Variants in TUB observed in about 807,000 individuals in gnomAD.
TUB encodes the protein TUB bipartite transcription factor.
Under a neutral mutation model 59.7 loss-of-function variants are expected in TUB, and 33 were observed. That is an observed-to-expected ratio of 0.55 (90% CI 0.42 to 0.74). The LOEUF is 0.74. TUB is among the 30% of genes least tolerant of loss of function. The pLI, the probability that TUB is intolerant of heterozygous loss-of-function variation, is 0.00. For missense variants in TUB, 659 were observed against 672.0 expected, an observed-to-expected ratio of 0.98 and a Z score of 0.21; for synonymous variants, 293 against 256.4, an observed-to-expected ratio of 1.14 and a Z score of -1.36.
chr11:8,090,596 C>T (rs1016547959), intron 3 of TUB, among the ~76,000 whole-genome samples: 1 of 152,222 alleles, frequency 6.6e-6, no homozygotes, highest in Non-Finnish European at 1.5e-5. Context: ...AGGAATCCGT[C>T]TCACTGTCCT....
rs758796067 is a variant in TUB at position 8,100,610 on chromosome 11, C to T, written c.1215+9C>T. 4 of 1,611,258 alleles carry T rather than the reference C, an allele frequency of 2.5e-6. No homozygotes were observed. Among genetic ancestry groups the T allele is most frequent in the African/African-American group, 1.3e-5 (1 of 74,952 alleles). ...CTATCCGCCCCCGCAACGTGAGTGT[C>T]TACCCCTTCCTCCCCTCTTTCCCCA... On this transcript the variant is annotated intron_variant, in intron 10 of 11. Coordinates refer to ENST00000299506, the MANE Select transcript of TUB (RefSeq NM_177972.3).
In TUB at chr11:8,073,297, G is replaced by A. The variant is rs537233251; in HGVS notation, c.204-16313G>A. Reference sequence around the variant, plus strand: ...GGGCCATGGAGCAAAAAGGTGGTGTGTTGGGAGTAATAAATTTTCAAAGAG... The same window carrying A: ...GGGCCATGGAGCAAAAAGGTGGTGTATTGGGAGTAATAAATTTTCAAAGAG... On this transcript the variant is annotated intron_variant, in intron 2 of 12. Transcript: ENST00000305253. 3.9e-5 allele frequency among the ~76,000 whole-genome samples: 6 copies of A among 152,336 alleles called. No individual in the cohort carries two copies. In the East Asian group the frequency reaches 1.2e-3, roughly 29 times the overall value.
chr11:8,064,305 C>T (rs543881684), intron 2 of TUB, among the ~76,000 whole-genome samples: 7 of 152,342 alleles, frequency 4.6e-5, no homozygotes, highest in African/African-American at 1.7e-4. Context: ...ACTGGACAGG[C>T]TGCACAGCCT....
At chr11:8,039,003 C>T (rs1386234318) in exon 1 of TUB, 1 of 1,613,698 alleles carries the variant, frequency 6.2e-7, no homozygotes, top group Admixed American at 1.7e-5. Context: ...ACCTGGGCCC[C>T]TGAAACGGGG....
intron 2 of TUB, among the ~76,000 whole-genome samples, chr11:8,046,982 C>T (rs1474560716): frequency 2.0e-5 from 3 of 152,206 alleles, no homozygotes; most frequent in Admixed American, 2.0e-4. Flanking sequence ...TTGGGCCACA[C>T]TCAAAGCCAT....
At chr11:8,086,721 G>C (rs1009187117) in intron 1 of TUB, among the ~76,000 whole-genome samples, 8 of 152,138 alleles carry the variant, frequency 5.3e-5, no homozygotes, top group African/African-American at 1.9e-4. Context: ...GCCAGGCACA[G>C]GTGGCTTCTC....
Position 8,101,790 on chromosome 11 carries a change from ACT to A in TUB, c.*172_*173del. On this transcript the variant is annotated 3_prime_UTR_variant, in exon 12 of 12. Coordinates refer to ENST00000299506, the MANE Select transcript of TUB (RefSeq NM_177972.3). ...AGGAACTGGCTCCTTTGCCTCTGCTACTGAGGCAGGGGAGTAGTGGAGAGCGG... is the reference window on the plus strand; with the variant it reads ...AGGAACTGGCTCCTTTGCCTCTGCTAGAGGCAGGGGAGTAGTGGAGAGCGG... The A allele has an allele frequency of 8.5e-7, 1 of 1,182,950 alleles. No homozygotes were observed. The highest frequency in any genetic ancestry group is 3.0e-4 in the Middle Eastern group (1 of 3,376). The allele number at this position is 1,182,950 out of a possible 1,614,324, so 73.3% of individuals were successfully genotyped here.
chr11:8,096,716 T>C lies in TUB; in HGVS notation c.597T>C (p.Asp199=), dbSNP rs1469790766. Residue 199 remains aspartate (D), a synonymous_variant, in exon 6 of 12, where the codon GAT becomes GAC. Coordinates refer to ENST00000299506, the MANE Select transcript of TUB (RefSeq NM_177972.3). The part of the protein sequence containing the change: ...GISSSMSFDE[D]EEDEEENSSS... ...CCAGCAGCATGAGCTTTGACGAGGATGAGGAGGATGAGGAGGAGAATAGCT... is the reference window on the plus strand; with the variant it reads ...CCAGCAGCATGAGCTTTGACGAGGACGAGGAGGATGAGGAGGAGAATAGCT... The C allele has an allele frequency of 6.2e-7, 1 of 1,613,136 alleles. No homozygotes were observed. Among genetic ancestry groups the C allele is most frequent in the Admixed American group, 1.7e-5 (1 of 59,984 alleles).
chr11:8,070,619 C>T (rs1196948157), intron 2 of TUB, among the ~76,000 whole-genome samples: 1 of 152,080 alleles, frequency 6.6e-6, no homozygotes, highest in Non-Finnish European at 1.5e-5. Flanking sequence ...TCATCAATGC[C>T]CCCCTCAGGA....
chr11:8,087,320 C>T (rs910532830), intron 1 of TUB, among the ~76,000 whole-genome samples: 2 of 152,230 alleles, frequency 1.3e-5, no homozygotes, highest in Admixed American at 1.3e-4. Context: ...TTGTCTTGCT[C>T]AGCCAAGCCC....
chr11:8,049,561 G>GTATATATATATATATATATATA (rs372881525), intron 2 of TUB, among the ~76,000 whole-genome samples: 138 of 124,112 alleles, frequency 1.1e-3, no homozygotes, highest in Admixed American at 1.4e-3. Context: ...GTATTATGTG[G>GTATATATATATATATATATATA]TATATATATA....
At chr11:8,096,871 G>A in intron 6 of TUB, 65 bp downstream of exon 6, 6 of 1,572,700 alleles carry the variant, frequency 3.8e-6, no homozygotes, top group East Asian at 2.2e-5. Flanking sequence ...GAGGTGGACT[G>A]CATGTGAAGA....
rs903519769 is a variant in TUB at position 8,105,861 on chromosome 11, G to C, written c.*4242G>C. The C allele has an allele frequency of 6.6e-6, 1 of 152,144 alleles. No homozygotes were observed. Among genetic ancestry groups the C allele is most frequent in the African/African-American group, 2.4e-5 (1 of 41,432 alleles). 9.4% of individuals were successfully genotyped at this position (152,144 alleles called of 1,614,324 possible). A position where few individuals can be genotyped will look rare whatever the true frequency, so the allele number is the denominator to read the frequency against. ...TGAGGCTGAGATCCAGAGTTTCCTA[G>C]AACGCAACTTAGGATGGCTAGGAAA... On this transcript the variant is annotated 3_prime_UTR_variant, in exon 12 of 12. Transcript: ENST00000299506.
At chr11:8,094,686 CCT>C (rs1350983983) in intron 4 of TUB, among the ~76,000 whole-genome samples, 8 of 152,226 alleles carry the variant, frequency 5.3e-5, no homozygotes, top group Admixed American at 2.6e-4. Flanking sequence ...TCCCTCTGCT[CCT>C]CTTTCTCCAG....
At chr11:8,088,671 C>T (rs888306848) in intron 1 of TUB, among the ~76,000 whole-genome samples, 2 of 152,258 alleles carry the variant, frequency 1.3e-5, no homozygotes, top group African/African-American at 4.8e-5. Context: ...CCAACCTCAC[C>T]TCATGCAGCT....
chr11:8,052,969 A>G (rs1156830904), intron 2 of TUB, among the ~76,000 whole-genome samples: 1 of 152,218 alleles, frequency 6.6e-6, no homozygotes, highest in African/African-American at 2.4e-5. Flanking sequence ...CTTCTTTTCT[A>G]ATAATTATGT....
At chr11:8,034,048 G>C (rs1942613053), upstream of TUB, among the ~76,000 whole-genome samples, 1 of 152,232 alleles carries the variant, frequency 6.6e-6, no homozygotes, top group South Asian at 2.1e-4. Context: ...CCAGAGGCAA[G>C]GGCTGCGATG....
chr11:8,096,918 C>A, intron 6 of TUB, 112 bp downstream of exon 6: 3 of 1,258,966 alleles, frequency 2.4e-6, no homozygotes, highest in Non-Finnish European at 2.3e-6. Context: ...TCTCTGCTGG[C>A]CTCTTATGTC....
At chr11:8,094,399 A>G (rs565984117) in intron 4 of TUB, among the ~76,000 whole-genome samples, 3 of 152,138 alleles carry the variant, frequency 2.0e-5, no homozygotes, top group South Asian at 2.1e-4. Context: ...GGGCATGCCT[A>G]CCACACTGCC....
Sources: allele counts gnomAD v4.1 joint callset (sites outside exome capture counted in the v4.1 genomes callset), GRCh38; gene constraint gnomAD v4.1.1; transcripts MANE v1.5; gene names NCBI Gene and HGNC (gene_info 2026-07-23, HGNC 2026-07-21).